ADAM12: variants seen among roughly 807,000 people sequenced by gnomAD.
ADAM12 encodes ADAM metallopeptidase domain 12, also known as disintegrin and metalloproteinase domain-containing protein 12.
A neutral mutation model predicts 106.4 loss-of-function variants in ADAM12; 70 were observed. The ratio of observed to expected loss-of-function variants is 0.66; its 90% CI spans 0.54 to 0.80. ADAM12 has a LOEUF of 0.80. Among genes scored for constraint, ADAM12 ranks in the 30% least tolerant of loss-of-function variants. The pLI, the probability that ADAM12 is intolerant of heterozygous loss-of-function variation, is 0.00. For synonymous variants in ADAM12, 420 were observed against 433.5 expected (o/e 0.97, Z 0.39); for missense variants, 1,010 against 1,171.9 (o/e 0.86, Z 2.02).
intron 3 of ADAM12, among the ~76,000 whole-genome samples, chr10:126,276,560 G>T (rs2133748581): frequency 6.6e-6 from 1 of 152,098 alleles, no homozygotes; most frequent in East Asian, 1.9e-4. Context: ...AGTATTTTTG[G>T]TAATGCATCA....
chr10:126,158,244 C>T (rs978470050), intron 3 of ADAM12, among the ~76,000 whole-genome samples: 1 of 110,440 alleles, frequency 9.1e-6, no homozygotes, highest in African/African-American at 3.0e-5. Context: ...ATGCACACAG[C>T]ACGGGAGAAA....
rs1204613129 is a variant in ADAM12, at chr10:126,026,870, GAAAC to G, written c.2530-7049_2530-7046del. Among the ~76,000 whole-genome samples the G allele has an allele frequency of 3.3e-5, 5 of 151,864 alleles. No individual in the cohort carries two copies. In the Middle Eastern group the frequency reaches 0.014, roughly 413 times the overall value. ...TAACATCACAGCTAAAAGAACTAGA[GAAAC>G]AAGAGCAAACCCCAAAGCTAGCAAA... is the stretch of plus-strand genomic sequence containing the variant. On this transcript the variant is annotated intron_variant, in intron 21 of 22. Transcript: ENST00000448723.
intron 3 of ADAM12, among the ~76,000 whole-genome samples, chr10:126,248,603 A>G (rs916370764): frequency 6.6e-6 from 1 of 152,224 alleles, no homozygotes; most frequent in Non-Finnish European, 1.5e-5. Context: ...CTTGACAATT[A>G]TCGAATGCAT....
intron 4 of ADAM12, among the ~76,000 whole-genome samples, chr10:126,148,313 A>T (rs1358542546): frequency 6.6e-6 from 1 of 152,204 alleles, no homozygotes; most frequent in Non-Finnish European, 1.5e-5. Flanking sequence ...TGCTGACTTG[A>T]GCAGAAGAGG....
chr10:126,236,156 C>A (rs573945306), intron 3 of ADAM12, among the ~76,000 whole-genome samples: 1 of 152,208 alleles, frequency 6.6e-6, no homozygotes, highest in Admixed American at 6.5e-5. Context: ...AGCAAAGAAG[C>A]CAGGGGATGC....
At chr10:126,153,351 T>C (rs1365697300) in intron 4 of ADAM12, among the ~76,000 whole-genome samples, 1 of 152,196 alleles carries the variant, frequency 6.6e-6, no homozygotes, top group Non-Finnish European at 1.5e-5. Context: ...GTGTTCTGCA[T>C]TTTCATCAGC....
At chr10:126,165,809 C>T (rs1182345262) in intron 3 of ADAM12, among the ~76,000 whole-genome samples, 2 of 152,246 alleles carry the variant, frequency 1.3e-5, no homozygotes, top group African/African-American at 4.8e-5. Context: ...TTTCTCTTCA[C>T]ACGCAATTCA....
At chr10:126,357,718 A>G (rs1855590548) in intron 1 of ADAM12, among the ~76,000 whole-genome samples, 2 of 152,124 alleles carry the variant, frequency 1.3e-5, no homozygotes, top group Admixed American at 6.5e-5. Flanking sequence ...ACCCTTATAA[A>G]AAGACCCATC....
intron 1 of ADAM12, among the ~76,000 whole-genome samples, chr10:126,347,769 T>G (rs980086403): frequency 1.3e-5 from 2 of 152,238 alleles, no homozygotes; most frequent in African/African-American, 4.8e-5. Flanking sequence ...TTAATTAGCC[T>G]GTTTTTCTCT....
intron 13 of ADAM12, 139 bp from the exon 14 acceptor site, chr10:126,065,140 G>A (rs1954841051): frequency 2.3e-6 from 2 of 855,056 alleles, no homozygotes; most frequent in Non-Finnish European, 3.5e-6. Context: ...TGCTTCTAAT[G>A]TAGAGATACC....
chr10:126,214,596 A>T (rs1957954584), intron 3 of ADAM12, among the ~76,000 whole-genome samples: 1 of 152,208 alleles, frequency 6.6e-6, no homozygotes, highest in Non-Finnish European at 1.5e-5. Context: ...AGATGGTCAG[A>T]GGAAGATTCA....
intron 1 of ADAM12, among the ~76,000 whole-genome samples, chr10:126,371,555 C>T (rs1356578086): frequency 6.6e-6 from 1 of 152,166 alleles, no homozygotes; most frequent in Non-Finnish European, 1.5e-5. Context: ...TAGAGTGGAA[C>T]ATTTCTGTCA....
chr10:126,024,504 C>A (rs757100251), intron 21 of ADAM12, among the ~76,000 whole-genome samples: 2 of 151,966 alleles, frequency 1.3e-5, no homozygotes, highest in Non-Finnish European at 2.9e-5. Context: ...CAAATTGGAA[C>A]CAGTGAGCAA....
At chr10:126,239,470 A>AC (rs1222310513) in intron 3 of ADAM12, among the ~76,000 whole-genome samples, 1 of 152,218 alleles carries the variant, frequency 6.6e-6, no homozygotes, top group Admixed American at 6.5e-5. Flanking sequence ...TTTCTGGAGT[A>AC]CTTGGGGGTG....
At chr10:126,282,645 G>A (rs1008344856) in intron 2 of ADAM12, among the ~76,000 whole-genome samples, 35 of 152,292 alleles carry the variant, frequency 2.3e-4, no homozygotes, top group African/African-American at 8.4e-4. Context: ...GTATACAGCT[G>A]TAGTCCATCT....
At chr10:126,022,315 A>G (rs1953783441) in intron 21 of ADAM12, among the ~76,000 whole-genome samples, 1 of 152,232 alleles carries the variant, frequency 6.6e-6, no homozygotes, top group Non-Finnish European at 1.5e-5. Context: ...CGCTGATTGA[A>G]GGGTCTGACC....
chr10:126,143,970 A>G (rs1956576843), intron 4 of ADAM12, among the ~76,000 whole-genome samples: 1 of 152,182 alleles, frequency 6.6e-6, no homozygotes, highest in Non-Finnish European at 1.5e-5. Context: ...CATTACACTT[A>G]GTCCTGAGAG....
At chr10:126,254,724 C>A (rs1300715818) in intron 3 of ADAM12, among the ~76,000 whole-genome samples, 1 of 152,144 alleles carries the variant, frequency 6.6e-6, no homozygotes, top group Non-Finnish European at 1.5e-5. Flanking sequence ...CTCACATGCT[C>A]CCAGGCCTCC....
intron 2 of ADAM12, among the ~76,000 whole-genome samples, chr10:126,284,683 T>C (rs1959760747): frequency 6.6e-6 from 1 of 152,200 alleles, no homozygotes. Context: ...CGATCACGGA[T>C]GACTTGGTTT....
Sources: gnomAD v4.1 joint callset for allele counts (sites outside exome capture counted in the v4.1 genomes callset) on GRCh38, gnomAD v4.1.1 for gene constraint, MANE v1.5 for transcripts, NCBI Gene and HGNC (gene_info 2026-07-23, HGNC 2026-07-21) for gene names.